Variants in IPO11 observed in about 807,000 individuals in gnomAD.
IPO11 encodes importin 11, also known as importin-11.
In IPO11, 66 loss-of-function variants were observed where a neutral mutation model predicts 143.2. The ratio of observed to expected loss-of-function variants is 0.46; its 90% confidence interval spans 0.38 to 0.57. The LOEUF is 0.57. IPO11 is among the 20% of genes least tolerant of loss of function. IPO11 has a pLI of 0.00. For missense variants in IPO11, 1,026 were observed against 1,141.0 expected (o/e 0.90, Z 1.45); for synonymous variants, 385 against 377.8 (o/e 1.02, Z -0.22).
At chr5:62,548,322 C>CAGAAAA (rs1743277870) in intron 24 of IPO11, among the ~76,000 whole-genome samples, 2 of 152,132 alleles carry the variant, frequency 1.3e-5, no homozygotes, top group African/African-American at 4.8e-5. Flanking sequence ...GATTCTGTTA[C>CAGAAAA]TTTAATTTTC....
At chr5:62,595,982 G>T (rs993976584) in intron 28 of IPO11, among the ~76,000 whole-genome samples, 10 of 151,728 alleles carry the variant, frequency 6.6e-5, no homozygotes, top group African/African-American at 2.4e-4. Flanking sequence ...TTAGTGGCCC[G>T]GCGCGGTGGC....
At chr5:62,606,564 C>T (rs797021808) in intron 29 of IPO11, among the ~76,000 whole-genome samples, 11 of 145,654 alleles carry the variant, frequency 7.6e-5, no homozygotes, top group African/African-American at 2.6e-4. Context: ...CGGCCGGGTA[C>T]GGTGGCTCAC....
rs375657153 is a variant in IPO11 at position 62,538,153 on chromosome 5, T to A, written c.2250+864T>A. On this transcript the variant is annotated intron_variant, in intron 24 of 29. Coordinates refer to ENST00000325324, the MANE Select transcript of IPO11 (RefSeq NM_016338.5). ...GCATTATGGTGTGAAAATCGTGGCA[T>A]TGCTTTAGAGCCTAAAAATGATTTC... Among the ~76,000 whole-genome samples, 5 of 152,214 alleles carry A rather than the reference T, an allele frequency of 3.3e-5. No homozygotes were observed. The East Asian group carries it at 9.6e-4, about 29-fold the overall frequency.
chr5:62,521,135 T>C (rs1742188386), intron 20 of IPO11, among the ~76,000 whole-genome samples: 1 of 152,244 alleles, frequency 6.6e-6, no homozygotes, highest in South Asian at 2.1e-4. Flanking sequence ...CTGTTGTAAC[T>C]GGATTTTCTT....
At chr5:62,420,580 CTT>C (rs1315728708) in intron 1 of IPO11, among the ~76,000 whole-genome samples, 63 of 139,992 alleles carry the variant, frequency 4.5e-4, no homozygotes, top group African/African-American at 3.9e-4. Context: ...CTGACTGAAA[CTT>C]TTTTTTTTTT....
chr5:62,517,589 G>C (rs907148606), intron 20 of IPO11, among the ~76,000 whole-genome samples: 4 of 152,152 alleles, frequency 2.6e-5, no homozygotes, highest in Non-Finnish European at 5.9e-5. Flanking sequence ...TTTTAGTAGA[G>C]ATGGGGTTTC....
intron 9 of IPO11, among the ~76,000 whole-genome samples, chr5:62,477,647 A>C (rs1048488122): frequency 6.6e-6 from 1 of 152,258 alleles, no homozygotes; most frequent in Non-Finnish European, 1.5e-5. Context: ...AAAGAGGACT[A>C]TACAGTATAT....
At chr5:62,456,114 C>T (rs1310819349) in intron 5 of IPO11, among the ~76,000 whole-genome samples, 1 of 151,986 alleles carries the variant, frequency 6.6e-6, no homozygotes, top group Non-Finnish European at 1.5e-5. Flanking sequence ...CTGTAACCTC[C>T]ACCTCCCAGG....
chr5:62,456,816 G>A (rs1280618354), intron 5 of IPO11, among the ~76,000 whole-genome samples: 7 of 152,168 alleles, frequency 4.6e-5, no homozygotes, highest in African/African-American at 9.7e-5. Context: ...ATGTGGGGCC[G>A]GGTGCGGTGG....
chr5:62,524,148 G>T (rs2112301904), intron 20 of IPO11, among the ~76,000 whole-genome samples: 1 of 152,174 alleles, frequency 6.6e-6, no homozygotes, highest in Admixed American at 6.5e-5. Flanking sequence ...TGGGCCCAAA[G>T]GGTGCTTACA....
rs1229374000 is a variant in IPO11 at position 62,467,232 on chromosome 5, T to C, written c.618T>C (p.Ser206=). ...VSSGNEAAIL[S]SLERTLLSLK... ...CTGGCAATGAAGCTGCAATTTTGAG[T>C]TCACTAGAACGAACACTGCTATCAT... Residue 206 remains serine (S), a synonymous_variant, in exon 6 of 30, where the codon AGT becomes AGC. Coordinates refer to ENST00000325324, the MANE Select transcript of IPO11 (RefSeq NM_016338.5). 1 of 1,614,018 alleles carries C rather than the reference T, an allele frequency of 6.2e-7. No individual in the cohort carries two copies. Among genetic ancestry groups the C allele is most frequent in the Non-Finnish European group, 8.5e-7 (1 of 1,179,958 alleles).
intron 27 of IPO11, among the ~76,000 whole-genome samples, chr5:62,583,935 C>T (rs1380324138): frequency 6.6e-6 from 1 of 152,108 alleles, no homozygotes; most frequent in East Asian, 1.9e-4. Flanking sequence ...TTGATTAGAG[C>T]ACCCAAAAAT....
At chr5:62,587,988 A>G (rs1256258445) in intron 27 of IPO11, among the ~76,000 whole-genome samples, 1 of 152,094 alleles carries the variant, frequency 6.6e-6, no homozygotes, top group Non-Finnish European at 1.5e-5. Flanking sequence ...TTCTCTAGCA[A>G]TTTCACAATC....
At chr5:62,561,906 A>G (rs1251803535) in intron 27 of IPO11, 2 of 151,918 alleles carry the variant, frequency 1.3e-5, no homozygotes, top group Admixed American at 6.6e-5. Context: ...TGGCAGGTAT[A>G]TAAATAACAT....
At chr5:62,606,534 C>A (rs1376644638) in intron 29 of IPO11, among the ~76,000 whole-genome samples, 1 of 142,850 alleles carries the variant, frequency 7.0e-6, no homozygotes, top group African/African-American at 2.6e-5. Context: ...CATTACAAAC[C>A]ACTGAAGTTA....
At chr5:62,456,051 A>AG (rs760166889) in intron 5 of IPO11, among the ~76,000 whole-genome samples, 9 of 150,686 alleles carry the variant, frequency 6.0e-5, no homozygotes, top group Non-Finnish European at 1.2e-4. Flanking sequence ...TTTTTTGAGA[A>AG]GGGGTCTCGC....
intron 28 of IPO11, among the ~76,000 whole-genome samples, chr5:62,596,095 T>C (rs62375052): frequency 1.4e-5 from 1 of 71,632 alleles, no homozygotes; most frequent in Non-Finnish European, 2.8e-5. Flanking sequence ...CCTGTCTCTA[T>C]TAAAAAAAAA....
intron 15 of IPO11, among the ~76,000 whole-genome samples, chr5:62,491,316 C>A (rs1746600453): frequency 6.6e-6 from 1 of 152,164 alleles, no homozygotes; most frequent in Non-Finnish European, 1.5e-5. Context: ...ATATTTTTAA[C>A]ACTTGGAATT....
intron 20 of IPO11, among the ~76,000 whole-genome samples, chr5:62,517,717 T>C (rs1742074493): frequency 6.6e-6 from 1 of 152,210 alleles, no homozygotes; most frequent in Non-Finnish European, 1.5e-5. Flanking sequence ...AGATGTACTT[T>C]TAAGCTCAAC....
Sources: gnomAD v4.1 joint callset for allele counts (sites outside exome capture counted in the v4.1 genomes callset) on GRCh38, gnomAD v4.1.1 for gene constraint, MANE v1.5 for transcripts, NCBI Gene and HGNC (gene_info 2026-07-23, HGNC 2026-07-21) for gene names.